The following BCAS3 variants were observed in gnomAD, a reference collection of about 807,000 sequenced individuals.
BCAS3 encodes BCAS3 microtubule associated cell migration factor.
In BCAS3, 53 loss-of-function variants were observed where a neutral mutation model predicts 116.1. The ratio of observed to expected loss-of-function variants is 0.46; its 90% confidence interval spans 0.37 to 0.57. The LOEUF is 0.57. Ranked by LOEUF, BCAS3 falls within the 20% of genes least tolerant of loss-of-function variation. The probability of loss-of-function intolerance (pLI) is 0.00; values close to 1 mark genes in which losing one functional copy is unlikely to be tolerated. For synonymous variants in BCAS3, 391 were observed against 408.2 expected (o/e 0.96, Z 0.51); for missense variants, 917 against 1,165.4 (o/e 0.79, Z 3.10).
intron 6 of BCAS3, among the ~76,000 whole-genome samples, chr17:60,756,037 C>CT (rs1189814828): frequency 6.6e-6 from 1 of 152,134 alleles, no homozygotes; most frequent in Non-Finnish European, 1.5e-5. Context: ...TTGAGGCTTA[C>CT]TTGTTCTAAC....
intron 22 of BCAS3, among the ~76,000 whole-genome samples, chr17:61,267,214 T>A (rs911539500): frequency 1.4e-5 from 2 of 147,334 alleles, no homozygotes; most frequent in Admixed American, 1.3e-4. Context: ...TCTGCCACCA[T>A]GCCCAGCTAA....
In BCAS3 at chr17:61,056,984, C is replaced by T. The variant is rs1023036333; in HGVS notation, c.2029+16092C>T. Among the ~76,000 whole-genome samples, 4 of 152,158 alleles carry T rather than the reference C, an allele frequency of 2.6e-5. No homozygotes were observed. The highest frequency in any genetic ancestry group is 9.7e-5 in the African/African-American group (4 of 41,430). ...ATTGGACCTTCTTTATTTGAATTGACAAATGGCTGCATTAGGAGAAGGAGG... is the reference window on the plus strand; with the variant it reads ...ATTGGACCTTCTTTATTTGAATTGATAAATGGCTGCATTAGGAGAAGGAGG... On this transcript the variant is annotated intron_variant, in intron 19 of 23. Transcript: ENST00000407086. The surrounding 1 kb of genome is among the most constrained non-coding windows in gnomAD (Gnocchi z 4.9).
intron 7 of BCAS3, among the ~76,000 whole-genome samples, chr17:60,829,787 T>C (rs2050755114): frequency 6.6e-6 from 1 of 152,156 alleles, no homozygotes. Flanking sequence ...ATTGCCAATA[T>C]ATGAAATGAT....
chr17:60,834,781 T>G (rs1199525175), intron 7 of BCAS3, among the ~76,000 whole-genome samples: 2 of 151,986 alleles, frequency 1.3e-5, no homozygotes, highest in Non-Finnish European at 2.9e-5. Context: ...ATTTTTTTGT[T>G]TATCATAACT....
At chr17:61,108,417 A>G (rs1369552486) in intron 22 of BCAS3, among the ~76,000 whole-genome samples, 2 of 152,086 alleles carry the variant, frequency 1.3e-5, no homozygotes, top group Non-Finnish European at 2.9e-5. Context: ...GACCATTTAC[A>G]TTGAATATAA....
At chr17:60,875,485 C>T (rs1444654261) in intron 9 of BCAS3, among the ~76,000 whole-genome samples, 2 of 152,012 alleles carry the variant, frequency 1.3e-5, no homozygotes, top group East Asian at 1.9e-4. Context: ...TTAGCAGTTT[C>T]GTATTACCAA....
chr17:60,757,293 C>T (rs1040956268), intron 6 of BCAS3, among the ~76,000 whole-genome samples: 33 of 149,752 alleles, frequency 2.2e-4, no homozygotes, highest in African/African-American at 6.7e-4. Flanking sequence ...CCAGCCTGGG[C>T]GACAGAGCAA....
intron 22 of BCAS3, among the ~76,000 whole-genome samples, chr17:61,255,861 A>C (rs1242290714): frequency 2.6e-5 from 4 of 152,180 alleles, no homozygotes; most frequent in Admixed American, 2.6e-4. Context: ...ACCTAATTGA[A>C]GAAGTGGCTG....
chr17:61,120,319 G>C (rs549550234), intron 22 of BCAS3, among the ~76,000 whole-genome samples: 13 of 152,096 alleles, frequency 8.5e-5, no homozygotes, highest in African/African-American at 3.1e-4. Context: ...TGTGACATCT[G>C]TCTACACAAA....
rs760254589 is a variant in BCAS3 at position 61,070,021 on chromosome 17, A to G, written c.2030-4899A>G. 3.8e-6 allele frequency: 6 copies of G among 1,595,864 alleles called. No individual in the cohort carries two copies. In the East Asian group the frequency reaches 6.7e-5, roughly 18 times the overall value. ...GTCACCCACCTTCCGGCAGCCGAAGACACTGCGACTCTGGAGACAGCCCAA... is the reference window on the plus strand; with the variant it reads ...GTCACCCACCTTCCGGCAGCCGAAGGCACTGCGACTCTGGAGACAGCCCAA... On this transcript the variant is annotated intron_variant, in intron 19 of 23. Transcript: ENST00000407086.
chr17:61,331,064 G>A (rs773384956), intron 22 of BCAS3, among the ~76,000 whole-genome samples: 4 of 152,194 alleles, frequency 2.6e-5, no homozygotes, highest in Non-Finnish European at 5.9e-5. Context: ...GCTTTCCGTA[G>A]GGGTGAGAAA....
At position 61,390,292 on chromosome 17, in the gene BCAS3, G is replaced by A. The variant is rs971244082; in HGVS notation, c.2594-1685G>A. On this transcript the variant is annotated intron_variant, in intron 23 of 23. Coordinates refer to ENST00000407086, the MANE Select transcript of BCAS3 (RefSeq NM_017679.5). The surrounding 1 kb of genome is among the most constrained non-coding windows in gnomAD (Gnocchi z 6.8). ...TACCACCCTCTCCATCTCATGGCAC[G>A]ATGGCCTGTCCCCCCAGATTAGGGT... The A allele has an allele frequency of 2.0e-5, 3 of 152,314 alleles. No individual in the cohort carries two copies. Among genetic ancestry groups the A allele is most frequent in the African/African-American group, 4.8e-5 (2 of 41,446 alleles). 9.4% of individuals were successfully genotyped at this position (152,314 alleles called of 1,614,324 possible).
chr17:61,277,262 CAAA>C (rs58849968), intron 22 of BCAS3, among the ~76,000 whole-genome samples: 63 of 101,746 alleles, frequency 6.2e-4, no homozygotes, highest in African/African-American at 2.0e-3. Context: ...GACCCTGTAT[CAAA>C]AAAAAAAAAA....
intron 22 of BCAS3, among the ~76,000 whole-genome samples, chr17:61,232,069 ATGG>A (rs140308231): frequency 0.071 from 10,726 of 150,886 alleles, 548 homozygotes; most frequent in African/African-American, 0.14. Context: ...GCTAGGCGTG[ATGG>A]TGGGCACCTG....
intron 22 of BCAS3, among the ~76,000 whole-genome samples, chr17:61,318,065 C>G (rs2054890036): frequency 6.6e-6 from 1 of 152,220 alleles, no homozygotes; most frequent in African/African-American, 2.4e-5. Context: ...GTGCAGGAAG[C>G]AGGGCCAGAG....
intron 23 of BCAS3, among the ~76,000 whole-genome samples, chr17:61,371,264 A>G (rs1484158686): frequency 6.6e-6 from 1 of 152,190 alleles, no homozygotes; most frequent in East Asian, 1.9e-4. Context: ...AAAAACTCCT[A>G]TTATGGCCAA....
chr17:61,335,496 A>G (rs966382093), intron 22 of BCAS3, among the ~76,000 whole-genome samples: 2 of 152,158 alleles, frequency 1.3e-5, no homozygotes, highest in African/African-American at 4.8e-5. Flanking sequence ...CTCAGCTCAG[A>G]GCTCCGGGGA....
chr17:60,700,038 G>A (rs1250035977), intron 4 of BCAS3, among the ~76,000 whole-genome samples: 1 of 152,004 alleles, frequency 6.6e-6, no homozygotes, highest in Non-Finnish European at 1.5e-5. Flanking sequence ...GCCAGGCATG[G>A]TGGCACGTCC....
At chr17:60,705,087 C>G (rs1253342477) in intron 4 of BCAS3, among the ~76,000 whole-genome samples, 1 of 152,104 alleles carries the variant, frequency 6.6e-6, no homozygotes, top group East Asian at 1.9e-4. Context: ...GTGGAAGGAT[C>G]ACACCATTGA....
Sources: allele counts gnomAD v4.1 joint callset (sites outside exome capture counted in the v4.1 genomes callset), GRCh38; gene constraint gnomAD v4.1.1; non-coding constraint Gnocchi (gnomAD v3.1); transcripts MANE v1.5; gene names NCBI Gene and HGNC (gene_info 2026-07-23, HGNC 2026-07-21).